The following HECW1 variants were observed in gnomAD, a reference collection of about 807,000 sequenced individuals.
HECW1 encodes the protein HECT, C2 and WW domain containing E3 ubiquitin protein ligase 1.
Under a neutral mutation model 182.3 loss-of-function variants are expected in HECW1, and 61 were observed. That is an observed-to-expected ratio of 0.33 (90% CI 0.27 to 0.41). HECW1 has a LOEUF of 0.41. Ranked by LOEUF, HECW1 falls within the 10% of genes least tolerant of loss-of-function variation. The pLI is 1.00. For missense variants in HECW1, 1,739 were observed against 2,108.9 expected (o/e 0.82, Z 3.44); for synonymous variants, 859 against 832.6 (o/e 1.03, Z -0.55).
intron 2 of HECW1, among the ~76,000 whole-genome samples, chr7:43,125,435 T>C (rs1583594136): frequency 1.3e-5 from 2 of 152,170 alleles, no homozygotes; most frequent in East Asian, 3.9e-4. Context: ...ACAATATATA[T>C]TTTCTATTAC....
rs1015598937 is a variant in HECW1, at chr7:43,360,746, A to C, written c.461-140A>C. 4.4e-6 allele frequency: 3 copies of C among 685,882 alleles called. No individual in the cohort carries two copies. In the African/African-American group the frequency reaches 5.3e-5, roughly 12 times the overall value. 42.5% of individuals were successfully genotyped at this position (685,882 alleles called of 1,614,324 possible). On this transcript the variant is annotated intron_variant, in intron 5 of 29. Transcript: ENST00000395891. ...TCAGACCTGTCCTTGAGGCCACATG[A>C]GGAGCATCATTGTCGAGTGTGGCCT...
At chr7:43,538,537 C>T (rs1272741453) in intron 24 of HECW1, among the ~76,000 whole-genome samples, 1 of 152,196 alleles carries the variant, frequency 6.6e-6, no homozygotes, top group Non-Finnish European at 1.5e-5. Flanking sequence ...ACCAGGCAGC[C>T]TGGCCCCAGA....
At chr7:43,282,008 G>A (rs1803983697) in intron 3 of HECW1, among the ~76,000 whole-genome samples, 1 of 152,008 alleles carries the variant, frequency 6.6e-6, no homozygotes, top group African/African-American at 2.4e-5. Flanking sequence ...TTCCTTTCCA[G>A]CTGTCATAGA....
chr7:43,238,318 A>C (rs1419489787), intron 2 of HECW1, among the ~76,000 whole-genome samples: 1 of 152,124 alleles, frequency 6.6e-6, no homozygotes, highest in African/African-American at 2.4e-5. Flanking sequence ...AGCTGTCCCC[A>C]TCCCTGTTCT....
At chr7:43,529,806 G>A (rs1370861274) in intron 24 of HECW1, among the ~76,000 whole-genome samples, 1 of 151,976 alleles carries the variant, frequency 6.6e-6, no homozygotes, top group Non-Finnish European at 1.5e-5. Context: ...CTCTCCCCCT[G>A]CTCTGCTCCT....
intron 2 of HECW1, among the ~76,000 whole-genome samples, chr7:43,179,308 A>T (rs1792564905): frequency 6.6e-6 from 1 of 152,212 alleles, no homozygotes; most frequent in South Asian, 2.1e-4. Flanking sequence ...TTGAGAGCAA[A>T]GGAGACTGTA....
Position 43,513,913 on chromosome 7 carries a change from T to G in HECW1, c.4019+4792T>G, listed in dbSNP as rs548705586. ...GCTGGAGCCTATAAGGGACCACCCATGGACACTGTGGTCACTCAAGGACAC... is the reference window on the plus strand; with the variant it reads ...GCTGGAGCCTATAAGGGACCACCCAGGGACACTGTGGTCACTCAAGGACAC... On this transcript the variant is annotated intron_variant, in intron 24 of 29. Coordinates refer to ENST00000395891, the MANE Select transcript of HECW1 (RefSeq NM_015052.5). 6.6e-5 allele frequency among the ~76,000 whole-genome samples: 10 copies of G among 152,302 alleles called. No homozygotes were observed. In the South Asian group the frequency reaches 1.5e-3, roughly 22 times the overall value.
chr7:43,187,189 AT>A (rs1310748202), intron 2 of HECW1, among the ~76,000 whole-genome samples: 1 of 152,252 alleles, frequency 6.6e-6, no homozygotes, highest in Non-Finnish European at 1.5e-5. Context: ...CCCTCACAAC[AT>A]GGCAGATGCC....
chr7:43,455,305 A>G (rs187490335), intron 12 of HECW1, among the ~76,000 whole-genome samples: 1 of 152,294 alleles, frequency 6.6e-6, no homozygotes. Flanking sequence ...CTGTTAATTA[A>G]CAACTTATCA....
intron 8 of HECW1, among the ~76,000 whole-genome samples, chr7:43,407,938 T>C (rs931221261): frequency 5.9e-5 from 9 of 152,152 alleles, no homozygotes; most frequent in Non-Finnish European, 1.2e-4. Context: ...AACACACTTT[T>C]CATTGCACTG....
At chr7:43,456,038 A>C (rs755756376) in intron 12 of HECW1, among the ~76,000 whole-genome samples, 2 of 152,080 alleles carry the variant, frequency 1.3e-5, no homozygotes, top group African/African-American at 2.4e-5. Flanking sequence ...GAATTTTAAC[A>C]TAGGTGTTGA....
intron 24 of HECW1, among the ~76,000 whole-genome samples, chr7:43,515,241 T>C (rs909808087): frequency 6.6e-6 from 1 of 151,432 alleles, no homozygotes; most frequent in African/African-American, 2.4e-5. Context: ...GGGAAAAGCA[T>C]TTGATGGCAT....
At chr7:43,441,139 C>T (rs1372173576) in intron 9 of HECW1, among the ~76,000 whole-genome samples, 2 of 152,206 alleles carry the variant, frequency 1.3e-5, no homozygotes, top group Non-Finnish European at 2.9e-5. Context: ...GGGCAATTTA[C>T]TCTGCTGAAG....
At chr7:43,543,685 A>G (rs959328793) in intron 26 of HECW1, among the ~76,000 whole-genome samples, 5 of 151,402 alleles carry the variant, frequency 3.3e-5, no homozygotes, top group African/African-American at 1.2e-4. Context: ...AGGCTGAGAC[A>G]GGAGAATTGC....
At chr7:43,491,674 C>A (rs1343902215) in intron 17 of HECW1, among the ~76,000 whole-genome samples, 1 of 152,170 alleles carries the variant, frequency 6.6e-6, no homozygotes, top group Non-Finnish European at 1.5e-5. Flanking sequence ...CTCACAGCAA[C>A]CCCTACCTCC....
At position 43,463,408 on chromosome 7, in the gene HECW1, A is replaced by G. The variant is rs918975766; in HGVS notation, c.2652-252A>G. 2.6e-5 allele frequency among the ~76,000 whole-genome samples: 4 copies of G among 152,208 alleles called. No individual in the cohort carries two copies. In the East Asian group the frequency reaches 7.7e-4, roughly 29 times the overall value. The stretch of plus-strand genomic sequence containing the variant: ...CACAGGCTGTTTTGCATGATTAGTT[A>G]TTATTTGTGTTGATTTTTTAAAAGT... On this transcript the variant is annotated intron_variant, in intron 13 of 29. Transcript: ENST00000395891.
At chr7:43,538,273 G>A (rs914222571) in intron 24 of HECW1, among the ~76,000 whole-genome samples, 3 of 152,140 alleles carry the variant, frequency 2.0e-5, no homozygotes, top group Admixed American at 6.5e-5. Context: ...GAGGGAGGGC[G>A]ATATCACTCA....
At chr7:43,495,660 G>T (rs2079091578) in intron 19 of HECW1, among the ~76,000 whole-genome samples, 1 of 152,196 alleles carries the variant, frequency 6.6e-6, no homozygotes, top group Admixed American at 6.5e-5. Flanking sequence ...TCTTTAGCGT[G>T]ATGAATGGCC....
intron 2 of HECW1, among the ~76,000 whole-genome samples, chr7:43,211,679 G>A (rs1345976619): frequency 1.3e-5 from 2 of 152,154 alleles, no homozygotes; most frequent in South Asian, 2.1e-4. Flanking sequence ...AAAGGGGGGC[G>A]TTCCCCCTTG....
Sources: gnomAD v4.1 joint callset for allele counts (sites outside exome capture counted in the v4.1 genomes callset) on GRCh38, gnomAD v4.1.1 for gene constraint, MANE v1.5 for transcripts, NCBI Gene and HGNC (gene_info 2026-07-23, HGNC 2026-07-21) for gene names.